Variants in TBCK observed in about 807,000 individuals in gnomAD.
TBCK encodes the protein TBC domain-containing protein kinase-like protein.
Under a neutral mutation model 113.4 loss-of-function variants are expected in TBCK, and 99 were observed. That is an observed-to-expected ratio of 0.87 (90% CI 0.74 to 1.03). The LOEUF is 1.03. TBCK is among the 50% of genes least tolerant of loss of function. TBCK has a pLI of 0.00. For synonymous variants in TBCK, 369 were observed against 370.8 expected (o/e 1.00, Z 0.05); for missense variants, 1,045 against 1,061.3 (o/e 0.98, Z 0.21).
At chr4:106,149,620 C>T (rs1211955638) in intron 23 of TBCK, among the ~76,000 whole-genome samples, 4 of 151,916 alleles carry the variant, frequency 2.6e-5, no homozygotes, top group African/African-American at 9.7e-5. Context: ...TGTGGTGCAC[C>T]AAAACAAGTA....
intron 2 of TBCK, among the ~76,000 whole-genome samples, chr4:106,299,271 A>C (rs1766660136): frequency 6.6e-6 from 1 of 152,238 alleles, no homozygotes; most frequent in Admixed American, 6.5e-5. Context: ...CAGTCACTGA[A>C]CAGAGCCCTG....
intron 23 of TBCK, among the ~76,000 whole-genome samples, chr4:106,138,228 T>G (rs557563494): frequency 7.1e-6 from 1 of 141,446 alleles, no homozygotes; most frequent in African/African-American, 2.5e-5. Context: ...CATAATCTCA[T>G]GGGACCACGG....
At position 106,042,157 on chromosome 4, in the gene TBCK, C is replaced by T. The variant is rs75079929; in HGVS notation, c.*4413G>A. On this transcript the variant is annotated 3_prime_UTR_variant, in exon 26 of 26. Coordinates refer to ENST00000394708, the MANE Select transcript of TBCK (RefSeq NM_001163435.3). ...ATTGATCATAAATATTACCATTTTG[C>T]TTCCAATCTGATTTAATCAACATTT... 5.0e-3 allele frequency: 755 copies of T among 152,250 alleles called. 7 individuals are homozygous for T. The highest frequency in any genetic ancestry group is 0.017 in the African/African-American group (723 of 41,544). The allele number at this position is 152,250 out of a possible 1,614,324, so 9.4% of individuals were successfully genotyped here.
At chr4:106,052,356 G>A (rs1410814034) in intron 25 of TBCK, among the ~76,000 whole-genome samples, 1 of 151,738 alleles carries the variant, frequency 6.6e-6, no homozygotes, top group Non-Finnish European at 1.5e-5. Flanking sequence ...TGCTAATTAT[G>A]TATTTTTAAA....
chr4:106,097,746 T>C (rs541018874), intron 24 of TBCK, among the ~76,000 whole-genome samples: 3 of 152,094 alleles, frequency 2.0e-5, no homozygotes, highest in Non-Finnish European at 4.4e-5. Flanking sequence ...TCAGATTATA[T>C]TGTAAATCTA....
chr4:106,221,693 A>T (rs1225184974), intron 19 of TBCK, among the ~76,000 whole-genome samples: 1 of 152,260 alleles, frequency 6.6e-6, no homozygotes, highest in East Asian at 1.9e-4. Context: ...AAACAGAATA[A>T]AACAAAGGAT....
intron 19 of TBCK, among the ~76,000 whole-genome samples, chr4:106,218,883 G>T (rs1310712422): frequency 1.3e-5 from 2 of 148,426 alleles, no homozygotes; most frequent in Non-Finnish European, 3.0e-5. Flanking sequence ...TATACCCAAA[G>T]GACTATAAAT....
chr4:106,237,468 G>T, intron 12 of TBCK: 1 of 455,578 alleles, frequency 2.2e-6, no homozygotes, highest in Non-Finnish European at 4.4e-6. Flanking sequence ...TAAGCAAGGT[G>T]ATTAAAGTTA....
At chr4:106,119,307 C>CTGATAAAT (rs1743957712) in intron 23 of TBCK, among the ~76,000 whole-genome samples, 1 of 152,024 alleles carries the variant, frequency 6.6e-6, no homozygotes, top group Non-Finnish European at 1.5e-5. Context: ...GCCCAAAAGC[C>CTGATAAAT]TTTACATACA....
At chr4:106,130,120 C>A (rs928524430) in intron 23 of TBCK, among the ~76,000 whole-genome samples, 1 of 152,128 alleles carries the variant, frequency 6.6e-6, no homozygotes. Context: ...TTGTAATTAC[C>A]ATCTCTAAAT....
In TBCK at chr4:106,042,359, A is replaced by AC. The variant is rs1305204229; in HGVS notation, c.*4210_*4211insG. 1 of 148,204 alleles carries AC rather than the reference A, an allele frequency of 6.7e-6. No homozygotes were observed. The highest frequency in any genetic ancestry group is 1.5e-5 in the Non-Finnish European group (1 of 66,708). The allele number at this position is 148,204 out of a possible 1,614,324, so 9.2% of individuals were successfully genotyped here. A position where few individuals can be genotyped will look rare whatever the true frequency, so the allele number is the denominator to read the frequency against. ...TTATTAAATAAGACTACTGCATAAG[A>AC]TTTTTTTTTTTCTTTTTTGAGACGG... On this transcript the variant is annotated 3_prime_UTR_variant, in exon 26 of 26. Transcript: ENST00000394708.
chr4:106,047,092 G>GA (rs1243204434), intron 25 of TBCK, among the ~76,000 whole-genome samples: 2 of 152,008 alleles, frequency 1.3e-5, no homozygotes, highest in African/African-American at 2.4e-5. Context: ...AATGTACATT[G>GA]AAAAAATTTT....
chr4:106,248,479 T>C (rs1261043656), intron 8 of TBCK, among the ~76,000 whole-genome samples, 173 bp from the exon 9 acceptor site: 37 of 152,182 alleles, frequency 2.4e-4, no homozygotes, highest in Non-Finnish European at 4.4e-5. Flanking sequence ...AAGCATTGCT[T>C]TAAAATAGCT....
chr4:106,105,487 AG>A (rs1162763937), intron 24 of TBCK, among the ~76,000 whole-genome samples: 2 of 152,218 alleles, frequency 1.3e-5, no homozygotes, highest in African/African-American at 4.8e-5. Flanking sequence ...CAGGCACTCA[AG>A]GGGGAGAGGA....
At chr4:106,215,594 C>A (rs1218659975) in intron 19 of TBCK, among the ~76,000 whole-genome samples, 2 of 152,064 alleles carry the variant, frequency 1.3e-5, no homozygotes, top group African/African-American at 2.4e-5. Context: ...GACTTTAAAC[C>A]AGCAAAGATC....
intron 23 of TBCK, among the ~76,000 whole-genome samples, chr4:106,157,513 A>C (rs2149698177): frequency 6.6e-6 from 1 of 152,194 alleles, no homozygotes; most frequent in Non-Finnish European, 1.5e-5. Context: ...CCAGAACTGA[A>C]GTTTGGACCA....
chr4:106,140,537 A>G (rs1747053124), intron 23 of TBCK, among the ~76,000 whole-genome samples: 1 of 141,150 alleles, frequency 7.1e-6, no homozygotes, highest in African/African-American at 2.5e-5. Flanking sequence ...AGTTGGTACT[A>G]GCCTCTCAAG....
rs1734165869 is a variant in TBCK, at chr4:106,045,775, G to C, written c.*795C>G. The C allele has an allele frequency of 6.6e-6, 1 of 151,972 alleles. No individual in the cohort carries two copies. The highest frequency in any genetic ancestry group is 6.6e-5 in the Admixed American group (1 of 15,242). The allele number at this position is 151,972 out of a possible 1,614,324, so 9.4% of individuals were successfully genotyped here. On this transcript the variant is annotated 3_prime_UTR_variant, in exon 26 of 26. Coordinates refer to ENST00000394708, the MANE Select transcript of TBCK (RefSeq NM_001163435.3). ...AGCAGATGTGATGGTAGAAGCTGAG[G>C]AGCCATTTTCATCCATGAGATGGAT...
At chr4:106,062,350 T>G (rs1190051756) in intron 25 of TBCK, among the ~76,000 whole-genome samples, 1 of 151,826 alleles carries the variant, frequency 6.6e-6, no homozygotes, top group Non-Finnish European at 1.5e-5. Flanking sequence ...CTAATATCAT[T>G]TTGTATCAGG....
Sources: gnomAD v4.1 joint callset for allele counts (sites outside exome capture counted in the v4.1 genomes callset) on GRCh38, gnomAD v4.1.1 for gene constraint, MANE v1.5 for transcripts, NCBI Gene and HGNC (gene_info 2026-07-23, HGNC 2026-07-21) for gene names.